COL19A1: variants seen among roughly 807,000 people sequenced by gnomAD.
The protein encoded by COL19A1 is collagen type XIX alpha 1 chain.
Under a neutral mutation model 190.2 loss-of-function variants are expected in COL19A1, and 159 were observed. The observed-to-expected ratio is 0.84, with a 90% confidence interval of 0.73 to 0.95. The LOEUF (loss-of-function observed/expected upper bound fraction) is 0.95. COL19A1 is among the 40% of genes least tolerant of loss of function. The probability of loss-of-function intolerance (pLI) is 0.00; values close to 1 mark genes in which losing one functional copy is unlikely to be tolerated. For synonymous variants in COL19A1, 509 were observed against 458.9 expected, an observed-to-expected ratio of 1.11 and a Z score of -1.39; for missense variants, 1,418 against 1,431.9, an observed-to-expected ratio of 0.99 and a Z score of 0.16.
At chr6:70,079,114 C>G (rs1288557597) in intron 15 of COL19A1, among the ~76,000 whole-genome samples, 8 of 152,048 alleles carry the variant, frequency 5.3e-5, no homozygotes, top group Non-Finnish European at 1.2e-4. Flanking sequence ...TAATAAAGGG[C>G]ATGATTATAA....
At chr6:69,869,459 A>G (rs1767684240) in intron 1 of COL19A1, among the ~76,000 whole-genome samples, 1 of 152,232 alleles carries the variant, frequency 6.6e-6, no homozygotes, top group Non-Finnish European at 1.5e-5. Context: ...TATGAAGCAC[A>G]AAGGATTTCT....
At chr6:70,016,856 T>C (rs1442326973) in intron 11 of COL19A1, among the ~76,000 whole-genome samples, 2 of 151,982 alleles carry the variant, frequency 1.3e-5, no homozygotes, top group Admixed American at 6.6e-5. Context: ...ATCAAAAAGA[T>C]TGACAAAATT....
chr6:70,184,848 T>G, intron 45 of COL19A1, 23 bp from the exon 46 acceptor site: 1 of 1,612,440 alleles, frequency 6.2e-7, no homozygotes, highest in Non-Finnish European at 8.5e-7. Context: ...GGAGTGATTT[T>G]CATGTTGACA....
intron 27 of COL19A1, among the ~76,000 whole-genome samples, chr6:70,147,252 G>A (rs951333284): frequency 1.6e-4 from 25 of 152,082 alleles, no homozygotes. Context: ...GTTAAAACAA[G>A]AAATTAATAT....
intron 37 of COL19A1, among the ~76,000 whole-genome samples, chr6:70,166,432 C>A (rs1328034328): frequency 2.0e-5 from 3 of 152,214 alleles, no homozygotes; most frequent in Admixed American, 2.0e-4. Context: ...ATTTATGTAG[C>A]TCTTAGTGAA....
chr6:70,190,032 A>G (rs1032062772), intron 47 of COL19A1, among the ~76,000 whole-genome samples: 6 of 152,336 alleles, frequency 3.9e-5, no homozygotes, highest in African/African-American at 1.4e-4. Context: ...TGTCTTCCCT[A>G]ACTGTATAAA....
intron 15 of COL19A1, among the ~76,000 whole-genome samples, chr6:70,093,868 G>A (rs1282202471): frequency 1.3e-5 from 2 of 152,118 alleles, no homozygotes; most frequent in Admixed American, 6.6e-5. Flanking sequence ...GTCCATCTAA[G>A]GGGGGATAAA....
intron 15 of COL19A1, among the ~76,000 whole-genome samples, chr6:70,100,395 CTTGTT>C (rs1783551826): frequency 1.3e-5 from 2 of 152,038 alleles, no homozygotes; most frequent in South Asian, 2.1e-4. Context: ...ATGTGTATAA[CTTGTT>C]TTAAGTATAG....
At chr6:70,088,313 G>A (rs1006764115) in intron 15 of COL19A1, among the ~76,000 whole-genome samples, 2 of 152,106 alleles carry the variant, frequency 1.3e-5, no homozygotes, top group African/African-American at 4.8e-5. Context: ...CAGGCTGAGA[G>A]ATTATGTGAC....
At chr6:69,987,739 G>A (rs547148428) in intron 11 of COL19A1, among the ~76,000 whole-genome samples, 1 of 152,292 alleles carries the variant, frequency 6.6e-6, no homozygotes, top group East Asian at 1.9e-4. Flanking sequence ...TTGTTGGTAA[G>A]GATTCCCTGC....
chr6:70,042,416 A>G (rs991181461), intron 14 of COL19A1, among the ~76,000 whole-genome samples: 4 of 152,240 alleles, frequency 2.6e-5, no homozygotes, highest in African/African-American at 9.6e-5. Flanking sequence ...AATTTATATT[A>G]TGCAAAAACA....
Position 70,145,279 on chromosome 6 carries a change from T to A in COL19A1, c.1770+272T>A, listed in dbSNP as rs6903592. 0.34 allele frequency among the ~76,000 whole-genome samples: 51,978 copies of A among 151,950 alleles called. 9,158 individuals carry two copies. The highest frequency in any genetic ancestry group is 0.47 in the Middle Eastern group (138 of 294). Reference sequence around the variant, plus strand: ...AGCAATGAGATGGATTCAACCTACATGCCCATCTACAATAGACTAGATAAA... The same window carrying A: ...AGCAATGAGATGGATTCAACCTACAAGCCCATCTACAATAGACTAGATAAA... On this transcript the variant is annotated intron_variant, in intron 25 of 50. Transcript: ENST00000620364.
At chr6:70,087,020 G>A (rs1327352419) in intron 15 of COL19A1, among the ~76,000 whole-genome samples, 1 of 152,002 alleles carries the variant, frequency 6.6e-6, no homozygotes, top group Non-Finnish European at 1.5e-5. Flanking sequence ...AGTTTTATTG[G>A]AACACATTCA....
At chr6:69,896,212 C>A (rs1475810305) in intron 2 of COL19A1, among the ~76,000 whole-genome samples, 2 of 152,178 alleles carry the variant, frequency 1.3e-5, no homozygotes, top group South Asian at 4.1e-4. Context: ...ATTTTCAAGT[C>A]ATACAGTTCA....
chr6:70,059,513 C>G (rs1024086219), intron 14 of COL19A1, among the ~76,000 whole-genome samples: 5 of 152,156 alleles, frequency 3.3e-5, no homozygotes, highest in Non-Finnish European at 7.4e-5. Flanking sequence ...ATGATAAGCT[C>G]TAGCTTGTCT....
At chr6:69,929,299 G>C in intron 5 of COL19A1, 126 bp from the exon 6 acceptor site, 1 of 886,966 alleles carries the variant, frequency 1.1e-6, no homozygotes, top group African/African-American at 1.7e-5. Context: ...GGACACAAGT[G>C]TCATCTAAAA....
chr6:69,913,374 C>A (rs1053645252), intron 4 of COL19A1, among the ~76,000 whole-genome samples: 4 of 152,048 alleles, frequency 2.6e-5, no homozygotes, highest in African/African-American at 9.7e-5. Context: ...GAAACAGTCC[C>A]CTCCATTGAA....
rs572316306 is a variant in COL19A1 at position 69,951,686 on chromosome 6, A to C, written c.937-8310A>C. Among the ~76,000 whole-genome samples, 261 of 152,032 alleles carry C rather than the reference A, an allele frequency of 1.7e-3. 6 individuals are homozygous for C. The highest frequency in any genetic ancestry group is 0.015 in the Admixed American group (224 of 15,222). ...TAATAATAACAGCCATTTACTCAAA[A>C]AGTGTTATATGCTAAATGCTATCAG... On this transcript the variant is annotated intron_variant, in intron 9 of 50. Coordinates refer to ENST00000620364, the MANE Select transcript of COL19A1 (RefSeq NM_001858.6).
At chr6:69,869,985 A>G (rs1245178391) in intron 1 of COL19A1, among the ~76,000 whole-genome samples, 1 of 152,248 alleles carries the variant, frequency 6.6e-6, no homozygotes, top group East Asian at 1.9e-4. Flanking sequence ...GAGCAACTTC[A>G]ATAGTACTAT....
Sources: allele counts gnomAD v4.1 joint callset (sites outside exome capture counted in the v4.1 genomes callset), GRCh38; gene constraint gnomAD v4.1.1; transcripts MANE v1.5; gene names NCBI Gene and HGNC (gene_info 2026-07-23, HGNC 2026-07-21).